ZNF385B: variants seen among roughly 807,000 people sequenced by gnomAD.
ZNF385B encodes the protein zinc finger protein 533.
Under a neutral mutation model 39.2 loss-of-function variants are expected in ZNF385B, and 23 were observed. That is an observed-to-expected ratio of 0.59 (90% confidence interval 0.42 to 0.83). The LOEUF (loss-of-function observed/expected upper bound fraction) is 0.83. Ranked by LOEUF, ZNF385B falls within the 40% of genes least tolerant of loss-of-function variation. The pLI is 0.00. For missense variants in ZNF385B, 552 were observed against 598.9 expected, an observed-to-expected ratio of 0.92 and a Z score of 0.82; for synonymous variants, 205 against 222.6, an observed-to-expected ratio of 0.92 and a Z score of 0.70.
intron 1 of ZNF385B, among the ~76,000 whole-genome samples, chr2:179,794,135 A>C (rs1489069866): frequency 6.6e-6 from 1 of 152,168 alleles, no homozygotes; most frequent in Non-Finnish European, 1.5e-5. Flanking sequence ...AGCTGTTCTT[A>C]TGAGGCCAGT....
intron 3 of ZNF385B, among the ~76,000 whole-genome samples, chr2:179,640,582 T>C (rs939080297): frequency 3.7e-4 from 56 of 152,106 alleles, no homozygotes; most frequent in African/African-American, 1.3e-3. Flanking sequence ...CAGTAGGATA[T>C]GGTTTGAAAT....
intron 3 of ZNF385B, among the ~76,000 whole-genome samples, chr2:179,622,258 C>A (rs140524657): frequency 3.3e-5 from 5 of 152,298 alleles, no homozygotes; most frequent in South Asian, 2.1e-4. Context: ...ACAGCCCAGT[C>A]CCAGAACTCA....
At chr2:179,510,492 G>A (rs1009387323) in intron 5 of ZNF385B, among the ~76,000 whole-genome samples, 1 of 151,918 alleles carries the variant, frequency 6.6e-6, no homozygotes, top group East Asian at 1.9e-4. Context: ...ACCCATTAGG[G>A]TAAACTACCA....
At chr2:179,628,428 G>A (rs2106182225) in intron 3 of ZNF385B, among the ~76,000 whole-genome samples, 1 of 152,208 alleles carries the variant, frequency 6.6e-6, no homozygotes, top group South Asian at 2.1e-4. Flanking sequence ...TTGCTGATTG[G>A]TTTCCATGGT....
At chr2:179,691,735 T>C (rs1282069121) in intron 3 of ZNF385B, among the ~76,000 whole-genome samples, 2 of 152,200 alleles carry the variant, frequency 1.3e-5, no homozygotes, top group African/African-American at 2.4e-5. Context: ...ATATCACATA[T>C]ACTGGGCCTT....
chr2:179,779,646 TG>T (rs1161683395), intron 1 of ZNF385B, among the ~76,000 whole-genome samples: 1 of 152,114 alleles, frequency 6.6e-6, no homozygotes, highest in Non-Finnish European at 1.5e-5. Flanking sequence ...GTGACAGCAG[TG>T]GAAAAAGTGG....
chr2:179,493,366 G>A (rs1478812445), intron 5 of ZNF385B, among the ~76,000 whole-genome samples: 14 of 129,770 alleles, frequency 1.1e-4, no homozygotes. Context: ...TATATATGTA[G>A]GTTTGTGTGC....
chr2:179,644,564 C>T (rs1001033233), intron 3 of ZNF385B, among the ~76,000 whole-genome samples: 2 of 152,196 alleles, frequency 1.3e-5, no homozygotes, highest in African/African-American at 4.8e-5. Context: ...ATATGTATTT[C>T]AAACAGTTTC....
At chr2:179,754,995 G>A (rs1314516263) in intron 3 of ZNF385B, among the ~76,000 whole-genome samples, 4 of 152,058 alleles carry the variant, frequency 2.6e-5, no homozygotes, top group Non-Finnish European at 5.9e-5. Context: ...GTTTGCTCTT[G>A]CTTCTCTAGT....
chr2:179,535,959 C>G (rs913238919), intron 4 of ZNF385B, among the ~76,000 whole-genome samples: 1 of 152,124 alleles, frequency 6.6e-6, no homozygotes. Context: ...AACAGATCTG[C>G]GTTGTTGGAT....
At chr2:179,785,941 C>G (rs957170333) in intron 1 of ZNF385B, among the ~76,000 whole-genome samples, 7 of 152,248 alleles carry the variant, frequency 4.6e-5, no homozygotes, top group Middle Eastern at 3.4e-3. Context: ...TTGCATGCTA[C>G]AGAGAAATCT....
intron 1 of ZNF385B, among the ~76,000 whole-genome samples, chr2:179,797,831 A>G (rs1705769507): frequency 6.6e-6 from 1 of 152,120 alleles, no homozygotes; most frequent in Non-Finnish European, 1.5e-5. Flanking sequence ...TCTTTTTCTG[A>G]CATGACCAGC....
At chr2:179,537,540 G>A (rs2059654071) in intron 4 of ZNF385B, among the ~76,000 whole-genome samples, 1 of 151,936 alleles carries the variant, frequency 6.6e-6, no homozygotes, top group Non-Finnish European at 1.5e-5. Context: ...AGGAGTTCGA[G>A]ACCAGTCTGG....
At chr2:179,616,236 G>A (rs930894572) in intron 3 of ZNF385B, among the ~76,000 whole-genome samples, 1 of 152,140 alleles carries the variant, frequency 6.6e-6, no homozygotes, top group African/African-American at 2.4e-5. Context: ...TTAGTACAAT[G>A]CTTGGCACAC....
intron 3 of ZNF385B, among the ~76,000 whole-genome samples, chr2:179,696,325 A>ATTTTTTTTTTTTTTTTTTTT (rs1333224792): frequency 4.1e-4 from 4 of 9,838 alleles, no homozygotes; most frequent in Admixed American, 1.3e-3. Context: ...ACAAACTGGG[A>ATTTTTTTTTTTTTTTTTTTT]CTTTTTTTTT....
At chr2:179,854,544 G>A (rs950738174) in intron 1 of ZNF385B, among the ~76,000 whole-genome samples, 3 of 151,926 alleles carry the variant, frequency 2.0e-5, no homozygotes, top group Non-Finnish European at 4.4e-5. Context: ...AAGCCTAAGA[G>A]GAATTTGAAG....
At chr2:179,632,421 G>A (rs1691316817) in intron 3 of ZNF385B, among the ~76,000 whole-genome samples, 1 of 152,132 alleles carries the variant, frequency 6.6e-6, no homozygotes, top group Admixed American at 6.5e-5. Context: ...ACAATTACAT[G>A]GAAACTGAAC....
chr2:179,706,881 G>A (rs1345117961), intron 3 of ZNF385B, among the ~76,000 whole-genome samples: 3 of 152,178 alleles, frequency 2.0e-5, no homozygotes, highest in Non-Finnish European at 4.4e-5. Context: ...ATGGACACGG[G>A]ATGACAAAAT....
intron 3 of ZNF385B, among the ~76,000 whole-genome samples, chr2:179,597,744 T>C (rs1688110868): frequency 1.3e-5 from 2 of 152,244 alleles, no homozygotes; most frequent in South Asian, 4.1e-4. Flanking sequence ...ATGAAATATA[T>C]ATTATGTTCA....
Sources: gnomAD v4.1 joint callset for allele counts (sites outside exome capture counted in the v4.1 genomes callset) on GRCh38, gnomAD v4.1.1 for gene constraint, MANE v1.5 for transcripts, NCBI Gene and HGNC (gene_info 2026-07-23, HGNC 2026-07-21) for gene names.